The following GLS variants were observed in gnomAD, a reference collection of about 807,000 sequenced individuals.
GLS encodes glutaminase.
In GLS, 36 loss-of-function variants were observed where a neutral mutation model predicts 86.7. The ratio of observed to expected loss-of-function variants is 0.42; its 90% CI spans 0.32 to 0.55. GLS has a LOEUF of 0.55. GLS is among the 20% of genes least tolerant of loss of function. The pLI is 0.17. For synonymous variants in GLS, 317 were observed against 305.9 expected, an observed-to-expected ratio of 1.04 and a Z score of -0.38; for missense variants, 528 against 833.4, an observed-to-expected ratio of 0.63 and a Z score of 4.51.
intron 7 of GLS, among the ~76,000 whole-genome samples, chr2:190,918,352 C>T (rs1000117048): frequency 6.6e-5 from 10 of 152,132 alleles, no homozygotes; most frequent in East Asian, 1.9e-4. Context: ...GTTATGGAGA[C>T]GGCTTCTTTC....
Position 190,881,029 on chromosome 2 carries a change from C to G in GLS, c.-56C>G. 1.3e-6 allele frequency: 2 copies of G among 1,513,450 alleles called. No homozygotes were observed. The highest frequency in any genetic ancestry group is 1.8e-6 in the Non-Finnish European group (2 of 1,132,748). 93.8% of individuals were successfully genotyped at this position (1,513,450 alleles called of 1,614,324 possible). Reference sequence around the variant, plus strand: ...AGACCGCGTTCCCCGAGGAAACCGGCCGCCCACGCCCGGAGCATCCTCCCC... The same window carrying G: ...AGACCGCGTTCCCCGAGGAAACCGGGCGCCCACGCCCGGAGCATCCTCCCC... On this transcript the variant is annotated 5_prime_UTR_variant, in exon 1 of 18. Transcript: ENST00000320717.
intron 7 of GLS, among the ~76,000 whole-genome samples, chr2:190,919,350 T>A (rs1689660581): frequency 6.6e-6 from 1 of 152,154 alleles, no homozygotes; most frequent in South Asian, 2.1e-4. Context: ...ATAGACCAAT[T>A]ATGTGACCAT....
chr2:190,962,028 C>T lies in GLS; in HGVS notation c.1854-802C>T, dbSNP rs951862577. 6.6e-6 allele frequency among the ~76,000 whole-genome samples: 1 copy of T among 152,138 alleles called. No homozygotes were observed. The highest frequency in any genetic ancestry group is 2.1e-4 in the South Asian group (1 of 4,830). ...CAGTTTGTAAAGTGTAAGGGAACTA[C>T]CCATCGTACCCTGTCATTGACTAGG... On this transcript the variant is annotated intron_variant, in intron 17 of 17. Coordinates refer to ENST00000320717, the MANE Select transcript of GLS (RefSeq NM_014905.5). The surrounding 1 kb of genome is among the most constrained non-coding windows in gnomAD (Gnocchi z 4.2).
At chr2:190,942,744 T>C (rs1690474953) in intron 14 of GLS, among the ~76,000 whole-genome samples, 1 of 152,210 alleles carries the variant, frequency 6.6e-6, no homozygotes, top group Non-Finnish European at 1.5e-5. Flanking sequence ...AAGGATCTGT[T>C]TGATTGTGGA....
chr2:190,931,434 T>G, intron 13 of GLS, 111 bp from the exon 14 acceptor site: 4 of 494,358 alleles, frequency 8.1e-6, no homozygotes, highest in Non-Finnish European at 3.6e-6. Context: ...TTTATTAGCA[T>G]GTAGTGATGA....
Position 190,901,963 on chromosome 2 carries a change from C to T in GLS, c.752C>T (p.Pro251Leu). The part of the protein sequence containing the change: ...QSGGKVADYI[P>L]QLAKFSPDLW... ...TTTGGATAGGTTGCAGATTATATTC[C>T]TCAACTGGCCAAATTCAGTCCCGAT... Residue 251 changes from proline (P) to leucine (L), a missense_variant, in exon 5 of 18, where the codon CCT (proline) becomes CTT (leucine). Around this residue, in one of 4 missense-constraint regions of GLS, gnomAD observed 111 missense variants for 179.5 expected, o/e 0.62. Transcript: ENST00000320717. The T allele has an allele frequency of 6.2e-7, 1 of 1,606,192 alleles. No homozygotes were observed. Among genetic ancestry groups the T allele is most frequent in the Non-Finnish European group, 8.5e-7 (1 of 1,173,064 alleles).
In GLS at chr2:190,895,180, T is replaced by C. The variant is rs146397940; in HGVS notation, c.415T>C (p.Leu139=). Residue 139 remains leucine, a synonymous_variant, in exon 2 of 18, where the codon TTG becomes CTG. Coordinates refer to ENST00000320717, the MANE Select transcript of GLS (RefSeq NM_014905.5). The surrounding 1 kb of genome is among the most constrained non-coding windows in gnomAD (Gnocchi z 4.2). Reference sequence around the variant, plus strand: ...AATAAAACAGGGTCTGTTACCTAGCTTGGAAGATTTGCTGTTCTATACAAT... The same window carrying C: ...AATAAAACAGGGTCTGTTACCTAGCCTGGAAGATTTGCTGTTCTATACAAT... The part of the protein sequence containing the change: ...NKIKQGLLPS[L]EDLLFYTIAE... The C allele has an allele frequency of 2.2e-4, 337 of 1,543,752 alleles. 1 individual carries two copies. The African/African-American group carries it at 3.9e-3, about 18-fold the overall frequency.
rs1574548961 is a variant in GLS, at chr2:190,880,858, C to T, written c.-227C>T. 3 of 811,850 alleles carry T rather than the reference C, an allele frequency of 3.7e-6. 1 individual carries two copies. The South Asian group carries it at 4.4e-5, about 12-fold the overall frequency. 50.3% of individuals were successfully genotyped at this position (811,850 alleles called of 1,614,324 possible). ...TAGGCGGAGCGAAGAGAACCGGTCG[C>T]GGCAATCCTAGCGCGCAGCAGCAGC... On this transcript the variant is annotated 5_prime_UTR_variant, in exon 1 of 18. Coordinates refer to ENST00000320717, the MANE Select transcript of GLS (RefSeq NM_014905.5).
In GLS at chr2:190,954,168, C is replaced by G. The variant is rs779327803; in HGVS notation, c.1713-416C>G. 2.6e-4 allele frequency among the ~76,000 whole-genome samples: 40 copies of G among 151,900 alleles called. No homozygotes were observed. The highest frequency in any genetic ancestry group is 4.6e-4 in the Non-Finnish European group (31 of 68,002). On this transcript the variant is annotated intron_variant, in intron 15 of 17. Transcript: ENST00000320717. The surrounding 1 kb of genome is among the most constrained non-coding windows in gnomAD (Gnocchi z 4.0). ...TGGAAAAATGTCTGTGCTTCCCCCC[C>G]TTGTTTTGAAGTCTGACAAGTACTA...
chr2:190,942,343 A>G (rs988380669), intron 14 of GLS, among the ~76,000 whole-genome samples: 1 of 151,824 alleles, frequency 6.6e-6, no homozygotes, highest in Non-Finnish European at 1.5e-5. Context: ...GTCTCCCAAA[A>G]TGCTGGGATT....
intron 7 of GLS, among the ~76,000 whole-genome samples, chr2:190,917,476 T>C (rs1359799293): frequency 1.3e-5 from 2 of 152,230 alleles, no homozygotes; most frequent in African/African-American, 4.8e-5. Context: ...TGAACTCCTG[T>C]TAATATTGAT....
rs556104368 is a variant in GLS, at chr2:190,965,021, G to A, written c.*2035G>A. 3.9e-5 allele frequency: 6 copies of A among 152,196 alleles called. No homozygotes were observed. The South Asian group carries it at 1.0e-3, about 26-fold the overall frequency. 9.4% of individuals were successfully genotyped at this position (152,196 alleles called of 1,614,324 possible). A position where few individuals can be genotyped will look rare whatever the true frequency, so the allele number is the denominator to read the frequency against. On this transcript the variant is annotated 3_prime_UTR_variant, in exon 18 of 18. Coordinates refer to ENST00000320717, the MANE Select transcript of GLS (RefSeq NM_014905.5). This position sits in a 1 kb window ranked among gnomAD's most constrained non-coding sequence, Gnocchi z 5.0. ...AAATGTGCCGTTATTTACCCCTGAT[G>A]TTATTTATGACTATGTGCCGATTCC... is the stretch of plus-strand genomic sequence containing the variant.
rs774861667 is a variant in GLS, at chr2:190,905,904, G to A, written c.979+737G>A. Reference sequence around the variant, plus strand: ...ATATAGAATTGAAGAAAGTGAGAGCGAAGTTTGTAGTAATGGCTGTGAGAG... The same window carrying A: ...ATATAGAATTGAAGAAAGTGAGAGCAAAGTTTGTAGTAATGGCTGTGAGAG... On this transcript the variant is annotated intron_variant, in intron 6 of 17. Coordinates refer to ENST00000320717, the MANE Select transcript of GLS (RefSeq NM_014905.5). The surrounding 1 kb of genome is among the most constrained non-coding windows in gnomAD (Gnocchi z 4.6). Among the ~76,000 whole-genome samples the A allele has an allele frequency of 1.3e-5, 2 of 151,962 alleles. No individual in the cohort carries two copies. Among genetic ancestry groups the A allele is most frequent in the East Asian group, 1.9e-4 (1 of 5,192 alleles).
chr2:190,888,026 G>C (rs1395738771), intron 1 of GLS, among the ~76,000 whole-genome samples: 2 of 152,164 alleles, frequency 1.3e-5, no homozygotes, highest in Non-Finnish European at 2.9e-5. Flanking sequence ...ATGAGAACGA[G>C]CATTGTTTTT....
rs1436343139 is a variant in GLS at position 190,881,348 on chromosome 2, G to A, written c.264G>A (p.Thr88=). 42 of 1,536,296 alleles carry A rather than the reference G, an allele frequency of 2.7e-5. No homozygotes were observed. Among genetic ancestry groups the A allele is most frequent in the Non-Finnish European group, 3.2e-5 (37 of 1,141,446 alleles). ...EILQELGKGS[T]HPQPGVSPPA... is the part of the protein sequence containing the mutation. The stretch of plus-strand genomic sequence containing the variant: ...TGCAGGAGCTGGGCAAGGGGAGCAC[G>A]CATCCGCAGCCCGGGGTGTCGCCAC... Residue 88 remains threonine (T), a synonymous_variant, in exon 1 of 18, where the codon ACG becomes ACA. Transcript: ENST00000320717.
Position 190,881,642 on chromosome 2 carries a change from G to T in GLS, c.386+172G>T. ...CATGTGATTAGGCCCGGCCCCGCCC[G>T]CGCCTTCCCCGCCCGCAACCCTCCG... is the stretch of plus-strand genomic sequence containing the variant. On this transcript the variant is annotated intron_variant, in intron 1 of 17. Transcript: ENST00000320717. 5.0e-6 allele frequency: 3 copies of T among 594,810 alleles called. No individual in the cohort carries two copies. The East Asian group carries it at 1.1e-4, about 21-fold the overall frequency. 36.8% of individuals were successfully genotyped at this position (594,810 alleles called of 1,614,324 possible).
At position 190,897,843 on chromosome 2, in the gene GLS, AT is replaced by A. The variant is rs1688798809; in HGVS notation, c.605+2119del. Among the ~76,000 whole-genome samples, 1 of 152,204 alleles carries A rather than the reference AT, an allele frequency of 6.6e-6. No individual in the cohort carries two copies. The highest frequency in any genetic ancestry group is 2.4e-5 in the African/African-American group (1 of 41,450). ...GCAGTGTGTTAATATTTTACCTAAA[AT>A]ACATTGTAGATTAATATTTTTAGAC... is the stretch of plus-strand genomic sequence containing the variant. On this transcript the variant is annotated intron_variant, in intron 3 of 17. Transcript: ENST00000320717. This position sits in a 1 kb window ranked among gnomAD's most constrained non-coding sequence, Gnocchi z 4.3.
In GLS at chr2:190,881,367, T is replaced by C; in HGVS notation, c.283T>C (p.Ser95Pro). Residue 95 changes from serine to proline, a missense_variant, in exon 1 of 18, where the codon TCG (serine) becomes CCG (proline). Coordinates refer to ENST00000320717, the MANE Select transcript of GLS (RefSeq NM_014905.5). ...KGSTHPQPGV[S>P]PPAAPAAPGP... ...GAGCACGCATCCGCAGCCCGGGGTG[T>C]CGCCACCCGCTGCCCCGGCGGCGCC... The C allele has an allele frequency of 6.5e-7, 1 of 1,539,268 alleles. No homozygotes were observed. Among genetic ancestry groups the C allele is most frequent in the Non-Finnish European group, 8.8e-7 (1 of 1,142,578 alleles).
At chr2:190,900,719 C>G in intron 4 of GLS, 26 bp downstream of exon 4, 2 of 1,573,524 alleles carry the variant, frequency 1.3e-6, no homozygotes, top group Non-Finnish European at 1.7e-6. Context: ...TACATATTTT[C>G]ATAACCGAAT....
Sources: allele counts gnomAD v4.1 joint callset (sites outside exome capture counted in the v4.1 genomes callset), GRCh38; gene constraint gnomAD v4.1.1; regional missense constraint gnomAD v4.1.1; non-coding constraint Gnocchi (gnomAD v3.1); transcripts MANE v1.5; gene names NCBI Gene and HGNC (gene_info 2026-07-23, HGNC 2026-07-21).